Variants in DIAPH2 observed in about 807,000 individuals in gnomAD.
DIAPH2 encodes the protein diaphanous related formin 2, also known as protein diaphanous homolog 2.
A neutral mutation model predicts 92.7 loss-of-function variants in DIAPH2; 35 were observed. The ratio of observed to expected loss-of-function variants is 0.38; its 90% CI spans 0.29 to 0.50. The LOEUF (loss-of-function observed/expected upper bound fraction) is 0.50. DIAPH2 is among the 20% of genes least tolerant of loss of function. The pLI, the probability that DIAPH2 is intolerant of heterozygous loss-of-function variation, is 0.94. For missense variants in DIAPH2, 701 were observed against 819.5 expected, an observed-to-expected ratio of 0.86 and a Z score of 1.77; for synonymous variants, 301 against 280.4, an observed-to-expected ratio of 1.07 and a Z score of -0.73.
intron 1 of DIAPH2, among the ~76,000 whole-genome samples, chrX:96,732,184 G>T (rs2064059719): frequency 9.0e-6 from 1 of 111,391 alleles, no homozygotes; most frequent in Non-Finnish European, 1.9e-5. Context: ...AATTTTTTTG[G>T]TGTTTCTGTT....
chrX:96,871,523 A>G (rs1456594647), intron 4 of DIAPH2, among the ~76,000 whole-genome samples: 1 of 105,280 alleles, frequency 9.5e-6, no homozygotes, highest in African/African-American at 3.5e-5. Flanking sequence ...CTGTCCTAGG[A>G]CAGTGGGTGG....
chrX:97,545,533 A>AAAAATAT (rs1260118151), intron 26 of DIAPH2, among the ~76,000 whole-genome samples: 62 of 79,334 alleles, frequency 7.8e-4, no homozygotes, highest in African/African-American at 2.9e-3. Flanking sequence ...AAAAAAAAAA[A>AAAAATAT]ATATATATAT....
Position 96,812,030 on chromosome X carries a change from G to C in DIAPH2, c.447+53772G>C, listed in dbSNP as rs7053697. On this transcript the variant is annotated intron_variant, in intron 4 of 26. Transcript: ENST00000324765. ...GCTTTGGTATCAGGATGATGCTGGC[G>C]TCATAAAATGAGTTAGGGAGGATTC... 9.2e-3 allele frequency among the ~76,000 whole-genome samples: 1,027 copies of C among 111,410 alleles called. 10 individuals carry two copies. Among genetic ancestry groups the C allele is most frequent in the African/African-American group, 0.031 (946 of 30,703 alleles).
intron 26 of DIAPH2, among the ~76,000 whole-genome samples, chrX:97,532,331 T>G (rs1168755029): frequency 2.7e-5 from 3 of 112,995 alleles, no homozygotes; most frequent in African/African-American, 9.6e-5. Context: ...GCTTGAACGC[T>G]TTGGAACATT....
At chrX:96,975,853 G>A (rs1431208002) in intron 17 of DIAPH2, among the ~76,000 whole-genome samples, 1 of 111,264 alleles carries the variant, frequency 9.0e-6, no homozygotes, top group Non-Finnish European at 1.9e-5. Context: ...CTCTGCCCTC[G>A]TGACATAATC....
At chrX:96,722,353 T>A (rs1356696466) in intron 1 of DIAPH2, among the ~76,000 whole-genome samples, 2 of 109,878 alleles carry the variant, frequency 1.8e-5, no homozygotes, top group Non-Finnish European at 3.8e-5. Context: ...CGAGACTCCG[T>A]CTTAGAAAAA....
intron 17 of DIAPH2, among the ~76,000 whole-genome samples, chrX:96,978,663 AAATATT>A (rs1376485084): frequency 9.0e-6 from 1 of 110,629 alleles, no homozygotes; most frequent in Non-Finnish European, 1.9e-5. Flanking sequence ...AATTATTAAT[AAATATT>A]AATATTAATT....
intron 4 of DIAPH2, among the ~76,000 whole-genome samples, chrX:96,815,020 C>T (rs1440404288): frequency 1.8e-5 from 2 of 112,423 alleles, no homozygotes; most frequent in Non-Finnish European, 3.8e-5. Context: ...TCTGTCTGTT[C>T]TCAGAGTTCA....
At chrX:97,384,632 C>T (rs112608818) in intron 25 of DIAPH2, among the ~76,000 whole-genome samples, 1,761 of 110,854 alleles carry the variant, frequency 0.016, 31 homozygotes, top group African/African-American at 0.055. Flanking sequence ...TTTGGGAGAC[C>T]GAGGCGGGAG....
At chrX:97,026,943 C>A (rs1050078154) in intron 17 of DIAPH2, among the ~76,000 whole-genome samples, 20 of 111,614 alleles carry the variant, frequency 1.8e-4, no homozygotes, top group Non-Finnish European at 3.8e-5. Flanking sequence ...ACAGGTGATT[C>A]TAATCATTTT....
intron 4 of DIAPH2, among the ~76,000 whole-genome samples, chrX:96,817,529 G>A (rs73250745): frequency 0.058 from 6,432 of 110,793 alleles, 203 homozygotes; most frequent in Middle Eastern, 0.18. Flanking sequence ...ATTTTCTTTC[G>A]GGCTGCTATA....
At chrX:96,724,648 CA>C (rs1366957734) in intron 1 of DIAPH2, among the ~76,000 whole-genome samples, 4 of 111,446 alleles carry the variant, frequency 3.6e-5, no homozygotes, top group African/African-American at 1.3e-4. Context: ...GGTTAACAGC[CA>C]CTTCATATTT....
chrX:97,532,963 T>G (rs748920185), intron 26 of DIAPH2, among the ~76,000 whole-genome samples: 1 of 111,267 alleles, frequency 9.0e-6, no homozygotes, highest in Non-Finnish European at 1.9e-5. Context: ...GGATAAGGTA[T>G]CTGAATTGGG....
intron 10 of DIAPH2, among the ~76,000 whole-genome samples, chrX:96,931,704 T>C (rs1482606126): frequency 1.8e-5 from 2 of 111,142 alleles, no homozygotes; most frequent in Non-Finnish European, 3.8e-5. Context: ...AATACCCAAA[T>C]TGGGGACATT....
At chrX:97,099,026 T>C (rs1250321601) in intron 19 of DIAPH2, among the ~76,000 whole-genome samples, 2 of 112,241 alleles carry the variant, frequency 1.8e-5, no homozygotes, top group African/African-American at 6.5e-5. Context: ...AGATTGAAGA[T>C]TATTCCAGGT....
At chrX:97,205,683 G>T (rs2067790334) in intron 22 of DIAPH2, among the ~76,000 whole-genome samples, 1 of 111,295 alleles carries the variant, frequency 9.0e-6, no homozygotes. Context: ...TGGAGAAATA[G>T]GAATTATTTT....
At chrX:96,894,974 A>ATTTTTTTTTTTTTTTTTTT (rs766131166) in intron 5 of DIAPH2, among the ~76,000 whole-genome samples, 4 of 59,544 alleles carry the variant, frequency 6.7e-5, no homozygotes, top group African/African-American at 1.2e-4. Flanking sequence ...GTTTTTCTTA[A>ATTTTTTTTTTTTTTTTTTT]TTTTTTTTTT....
chrX:96,793,587 C>T, intron 4 of DIAPH2: 1 of 373,749 alleles, frequency 2.7e-6, no homozygotes, highest in Non-Finnish European at 5.2e-6. Context: ...GGCCCTTTTC[C>T]TGGCTTTCAG....
chrX:97,360,064 T>C (rs2069309519), intron 24 of DIAPH2, among the ~76,000 whole-genome samples: 1 of 111,804 alleles, frequency 8.9e-6, no homozygotes, highest in African/African-American at 3.3e-5. Context: ...CATTTTGAAA[T>C]GGAAGATGCT....
Sources: allele counts gnomAD v4.1 joint callset (sites outside exome capture counted in the v4.1 genomes callset), GRCh38; gene constraint gnomAD v4.1.1; transcripts MANE v1.5; gene names NCBI Gene and HGNC (gene_info 2026-07-23, HGNC 2026-07-21).